ARHGEF28: variants seen among roughly 807,000 people sequenced by gnomAD.
ARHGEF28 encodes 190 kDa guanine nucleotide exchange factor.
In ARHGEF28, 152 loss-of-function variants were observed where a neutral mutation model predicts 206.6. The ratio of observed to expected loss-of-function variants is 0.74; its 90% CI spans 0.64 to 0.84. The LOEUF is 0.84. Ranked by LOEUF, ARHGEF28 falls within the 40% of genes least tolerant of loss-of-function variation. ARHGEF28 has a pLI of 0.00. For synonymous variants in ARHGEF28, 763 were observed against 776.4 expected, an observed-to-expected ratio of 0.98 and a Z score of 0.29; for missense variants, 2,028 against 2,073.2, an observed-to-expected ratio of 0.98 and a Z score of 0.42.
At chr5:73,899,058 T>C (rs1399777682) in intron 30 of ARHGEF28, 1 of 146,814 alleles carries the variant, frequency 6.8e-6, no homozygotes, top group African/African-American at 2.4e-5. Flanking sequence ...TACTTCTTTT[T>C]TTTTTCTTTT....
intron 2 of ARHGEF28, among the ~76,000 whole-genome samples, chr5:73,692,461 G>A (rs996299152): frequency 6.6e-4 from 101 of 152,206 alleles, no homozygotes; most frequent in Non-Finnish European, 1.6e-4. Context: ...AAGATACTTC[G>A]CTATTCCCTT....
At chr5:73,904,765 G>A (rs1473769293) in intron 33 of ARHGEF28, 3 of 244,728 alleles carry the variant, frequency 1.2e-5, no homozygotes, top group Non-Finnish European at 2.3e-5. Flanking sequence ...TTCTCCATGT[G>A]GCCATCAGCC....
intron 9 of ARHGEF28, among the ~76,000 whole-genome samples, chr5:73,797,381 C>T (rs1192521702): frequency 6.6e-6 from 1 of 152,142 alleles, no homozygotes; most frequent in African/African-American, 2.4e-5. Flanking sequence ...CACTTCAACA[C>T]TCTTTTGTTA....
At chr5:73,853,239 T>A (rs1198077846) in intron 14 of ARHGEF28, among the ~76,000 whole-genome samples, 4 of 152,220 alleles carry the variant, frequency 2.6e-5, no homozygotes, top group Non-Finnish European at 5.9e-5. Flanking sequence ...TGTTGGAGTA[T>A]AGCTTGGGAA....
intron 2 of ARHGEF28, among the ~76,000 whole-genome samples, chr5:73,741,379 GTGTGTGTATATATATATATATATATATA>G (rs1473740214): frequency 4.6e-3 from 174 of 37,544 alleles, no homozygotes; most frequent in East Asian, 0.011. Context: ...GTGTGTGTGT[GTGTGTGTATATATATATATATATATATA>G]TATATATATA....
chr5:73,815,845 G>A (rs1756170064), intron 9 of ARHGEF28, among the ~76,000 whole-genome samples: 1 of 152,206 alleles, frequency 6.6e-6, no homozygotes, highest in Non-Finnish European at 1.5e-5. Context: ...ATATGGAGAT[G>A]ATTAACTATT....
intron 33 of ARHGEF28, chr5:73,909,147 T>A (rs1263169470): frequency 6.0e-6 from 2 of 336,030 alleles, no homozygotes; most frequent in Non-Finnish European, 1.1e-5. Context: ...GCAAACTACC[T>A]TCCCACAGGA....
At chr5:73,856,837 AC>A (rs1198946393) in intron 14 of ARHGEF28, among the ~76,000 whole-genome samples, 7 of 152,154 alleles carry the variant, frequency 4.6e-5, no homozygotes, top group African/African-American at 1.4e-4. Flanking sequence ...CAGAAGTGTT[AC>A]CTGGTTTGAC....
At chr5:73,628,013 AG>A (rs113737573) in intron 1 of ARHGEF28, among the ~76,000 whole-genome samples, 5,370 of 152,290 alleles carry the variant, frequency 0.035, 337 homozygotes, top group African/African-American at 0.12. Flanking sequence ...AAACACTTAA[AG>A]GTAAAGAAGA....
intron 2 of ARHGEF28, among the ~76,000 whole-genome samples, chr5:73,687,869 C>T (rs1747570481): frequency 6.6e-6 from 1 of 152,112 alleles, no homozygotes; most frequent in Admixed American, 6.6e-5. Flanking sequence ...ATCTATATCT[C>T]TGTTGAATTT....
At chr5:73,815,340 CT>C (rs201063070) in intron 9 of ARHGEF28, among the ~76,000 whole-genome samples, 56 of 151,976 alleles carry the variant, frequency 3.7e-4, no homozygotes, top group Non-Finnish European at 6.3e-4. Flanking sequence ...ATTCTTTCAG[CT>C]TTTTTAAAAA....
chr5:73,934,284 G>A (rs1405945763), intron 35 of ARHGEF28, among the ~76,000 whole-genome samples: 2 of 152,070 alleles, frequency 1.3e-5, no homozygotes, highest in African/African-American at 2.4e-5. Flanking sequence ...TTAGATGCAG[G>A]CTTTATTTTT....
chr5:73,875,319 G>T (rs1347399414), intron 22 of ARHGEF28, among the ~76,000 whole-genome samples: 1 of 150,362 alleles, frequency 6.7e-6, no homozygotes, highest in Non-Finnish European at 1.5e-5. Flanking sequence ...CTGGATATTA[G>T]CCCTTTGTCA....
At chr5:73,879,461 C>T (rs1013801838) in intron 22 of ARHGEF28, among the ~76,000 whole-genome samples, 2 of 152,208 alleles carry the variant, frequency 1.3e-5, no homozygotes, top group African/African-American at 4.8e-5. Flanking sequence ...TGTTCCGTTG[C>T]TGGTGAGGAA....
intron 2 of ARHGEF28, among the ~76,000 whole-genome samples, chr5:73,727,240 C>A (rs1251964499): frequency 6.6e-6 from 1 of 152,138 alleles, no homozygotes. Context: ...AGAAGATGGG[C>A]AAGTTTCTTC....
At chr5:73,890,337 G>A (rs1290416896) in intron 26 of ARHGEF28, among the ~76,000 whole-genome samples, 3 of 152,272 alleles carry the variant, frequency 2.0e-5, no homozygotes. Flanking sequence ...AACCTACTCT[G>A]CCTTTTTACA....
chr5:73,772,960 G>T (rs1320233629), intron 4 of ARHGEF28, among the ~76,000 whole-genome samples: 2 of 152,200 alleles, frequency 1.3e-5, no homozygotes, highest in Non-Finnish European at 2.9e-5. Context: ...AAACTGTGGA[G>T]AAGTAGGTCA....
intron 13 of ARHGEF28, 98 bp downstream of exon 13, chr5:73,849,185 G>A: frequency 1.1e-6 from 1 of 882,724 alleles, no homozygotes; most frequent in Non-Finnish European, 1.7e-6. Context: ...CAGCAGACAA[G>A]AATTTTCCAT....
intron 35 of ARHGEF28, among the ~76,000 whole-genome samples, chr5:73,928,466 A>G (rs1358275409): frequency 2.0e-5 from 3 of 152,166 alleles, no homozygotes; most frequent in Admixed American, 6.5e-5. Context: ...TTGGTTGCCA[A>G]TTTTTAAGAA....
Sources: gnomAD v4.1 joint callset for allele counts (sites outside exome capture counted in the v4.1 genomes callset) on GRCh38, gnomAD v4.1.1 for gene constraint, MANE v1.5 for transcripts, NCBI Gene and HGNC (gene_info 2026-07-23, HGNC 2026-07-21) for gene names.